Variants in RYR1 observed in about 807,000 individuals in gnomAD.
RYR1 encodes ryanodine receptor 1.
In RYR1, 342 loss-of-function variants were observed where a neutral mutation model predicts 583.5. The ratio of observed to expected loss-of-function variants is 0.59; its 90% confidence interval spans 0.54 to 0.64. The LOEUF is 0.64. Ranked by LOEUF, RYR1 falls within the 30% of genes least tolerant of loss-of-function variation. The pLI is 0.00. For synonymous variants in RYR1, 2,791 were observed against 2,822.5 expected, an observed-to-expected ratio of 0.99 and a Z score of 0.35; for missense variants, 6,032 against 6,917.2, an observed-to-expected ratio of 0.87 and a Z score of 4.54.
chr19:38,549,492 T>C (rs915346076), intron 89 of RYR1, among the ~76,000 whole-genome samples: 3 of 152,098 alleles, frequency 2.0e-5, no homozygotes, highest in Non-Finnish European at 4.4e-5. Context: ...GTACCTGGAA[T>C]ATGGTGAGTC....
In RYR1 at chr19:38,585,967, C is replaced by T. The variant is rs1432807966; in HGVS notation, c.14833C>T (p.Arg4945Ter). ...GATCATCGACGCTTTTGGTGAGCTCCGAGACCAACAAGAGCAAGTGAAGGA... is the reference window on the plus strand; with the variant it reads ...GATCATCGACGCTTTTGGTGAGCTCTGAGACCAACAAGAGCAAGTGAAGGA... Reference protein sequence around the residue: ...GLIIDAFGELRDQQEQVKEDM... With the variant: ...GLIIDAFGEL The change falls in exon 103 of 106, where the codon CGA becomes TGA. Residue 4945 changes from arginine to a stop codon, truncating the protein, a stop_gained. Coordinates refer to ENST00000359596, the MANE Select transcript of RYR1 (RefSeq NM_000540.3). LOFTEE classifies it high-confidence loss of function. 3.1e-6 allele frequency: 5 copies of T among 1,613,772 alleles called. No individual in the cohort carries two copies. Among genetic ancestry groups the T allele is most frequent in the Non-Finnish European group, 3.4e-6 (4 of 1,180,008 alleles).
At chr19:38,563,079 C>T (rs1056371844) in intron 90 of RYR1, among the ~76,000 whole-genome samples, 1 of 152,112 alleles carries the variant, frequency 6.6e-6, no homozygotes, top group Non-Finnish European at 1.5e-5. Context: ...GGAGCTCTGC[C>T]CTCCTCTCTT....
At position 38,485,623 on chromosome 19, in the gene RYR1, G is replaced by A. The variant is rs1224699959; in HGVS notation, c.4968G>A (p.Leu1656=). ...CMDILELSER[L]DLQRFHSHTL... ...ACATCCTGGAGCTGTCGGAGCGCCT[G>A]GACCTGCAGCGCTTCCACTCGCACA... The change falls in exon 34 of 106, where the codon CTG becomes CTA. Residue 1656 remains leucine (L), a synonymous_variant. Coordinates refer to ENST00000359596, the MANE Select transcript of RYR1 (RefSeq NM_000540.3). 2 of 1,609,988 alleles carry A rather than the reference G, an allele frequency of 1.2e-6. No individual in the cohort carries two copies. The highest frequency in any genetic ancestry group is 1.1e-5 in the South Asian group (1 of 91,084).
At chr19:38,526,853 T>C (rs531328784) in intron 71 of RYR1, 140 bp from the exon 72 acceptor site, 183 of 823,828 alleles carry the variant, frequency 2.2e-4, no homozygotes, top group Non-Finnish European at 3.0e-5. Context: ...CTCTGCATCC[T>C]TTTGTTTCTC....
intron 20 of RYR1, among the ~76,000 whole-genome samples, chr19:38,461,740 AG>A (rs1568456290): frequency 2.4e-4 from 32 of 136,156 alleles, no homozygotes; most frequent in African/African-American, 3.5e-4. Flanking sequence ...AAAAAAAAAA[AG>A]AAAGGGAGAG....
At chr19:38,542,692 AT>A (rs1227465161) in intron 84 of RYR1, among the ~76,000 whole-genome samples, 2 of 149,640 alleles carry the variant, frequency 1.3e-5, no homozygotes, top group Non-Finnish European at 3.0e-5. Flanking sequence ...CTAATTTTGT[AT>A]TTTTTTTAGT....
Position 38,458,239 on chromosome 19 carries a change from G to C in RYR1, c.2114G>C (p.Gly705Ala). Residue 705 changes from glycine (G) to alanine (A), a missense_variant, in exon 18 of 106, where the codon GGG becomes GCG. Coordinates refer to ENST00000359596, the MANE Select transcript of RYR1 (RefSeq NM_000540.3). ...PGAGEGWGGNGVGDDLYSYGF... is the reference protein window; with the variant it reads ...PGAGEGWGGNAVGDDLYSYGF... ...GCCGGCGAGGGCTGGGGCGGCAACGGGGTCGGCGATGACCTCTATTCCTAC... is the reference window on the plus strand; with the variant it reads ...GCCGGCGAGGGCTGGGGCGGCAACGCGGTCGGCGATGACCTCTATTCCTAC... The C allele has an allele frequency of 6.2e-7, 1 of 1,614,028 alleles. No homozygotes were observed. The highest frequency in any genetic ancestry group is 8.5e-7 in the Non-Finnish European group (1 of 1,180,008).
intron 38 of RYR1, among the ~76,000 whole-genome samples, chr19:38,493,992 A>T (rs1192126199): frequency 2.0e-5 from 3 of 152,066 alleles, no homozygotes; most frequent in African/African-American, 4.8e-5. Flanking sequence ...GAACAGAGAG[A>T]TTCTTGGGCG....
At chr19:38,475,903 C>CCCT (rs1968699253) in intron 29 of RYR1, among the ~76,000 whole-genome samples, 1 of 152,272 alleles carries the variant, frequency 6.6e-6, no homozygotes. Flanking sequence ...TGCTCCCCAA[C>CCCT]TATTTTGGCA....
chr19:38,448,336 T>C lies in RYR1; in HGVS notation c.801-19T>C. 1 of 1,604,244 alleles carries C rather than the reference T, an allele frequency of 6.2e-7. No individual in the cohort carries two copies. The highest frequency in any genetic ancestry group is 8.5e-7 in the Non-Finnish European group (1 of 1,178,584). On this transcript the variant is annotated intron_variant, in intron 9 of 105. Coordinates refer to ENST00000359596, the MANE Select transcript of RYR1 (RefSeq NM_000540.3). ...AACTGGGGGGTCCTCTGACTCCCCT[T>C]GGCTCTCACCCTCCACAGCTGGAGT...
At chr19:38,529,668 C>T (rs1230839954) in intron 76 of RYR1, among the ~76,000 whole-genome samples, 1 of 152,108 alleles carries the variant, frequency 6.6e-6, no homozygotes, top group Non-Finnish European at 1.5e-5. Context: ...TGAAAAAAAT[C>T]CATATGTATG....
intron 79 of RYR1, 142 bp from the exon 80 acceptor site, chr19:38,534,999 A>T: frequency 9.7e-7 from 1 of 1,030,042 alleles, no homozygotes; most frequent in Non-Finnish European, 1.5e-6. Context: ...CTCATCCTTC[A>T]ATCACGATCA....
chr19:38,495,334 A>C (rs920982198), intron 39 of RYR1, among the ~76,000 whole-genome samples: 4 of 152,076 alleles, frequency 2.6e-5, no homozygotes, highest in African/African-American at 9.7e-5. Flanking sequence ...TTAAGCACCT[A>C]CTTCGTGCCA....
intron 1 of RYR1, among the ~76,000 whole-genome samples, chr19:38,438,195 C>A (rs112549576): frequency 9.2e-5 from 14 of 151,912 alleles, no homozygotes; most frequent in African/African-American, 2.9e-4. Flanking sequence ...AGGCTCAACT[C>A]AAATGTCACC....
chr19:38,524,608 C>T (rs1356735595), intron 70 of RYR1, among the ~76,000 whole-genome samples: 6 of 152,230 alleles, frequency 3.9e-5, no homozygotes, highest in South Asian at 2.1e-4. Context: ...GCCCTGGCCC[C>T]GGGTCTGCAC....
intron 31 of RYR1, among the ~76,000 whole-genome samples, chr19:38,480,634 T>C (rs66707127): frequency 0.058 from 8,825 of 152,252 alleles, 571 homozygotes; most frequent in African/African-American, 0.16. Flanking sequence ...TATCATCAAA[T>C]ATCCAGTTTG....
rs769265406 is a variant in RYR1 at position 38,460,418 on chromosome 19, C to G, written c.2404C>G (p.Leu802Val). Residue 802 changes from leucine (L) to valine (V), a missense_variant, in exon 20 of 106, where the codon CTG becomes GTG. Transcript: ENST00000359596. ...TGGCCGCCATGGTGAATTCAAGTTC[C>G]TGCCCCCACCTGGCTATGCTCCATG... is the stretch of plus-strand genomic sequence containing the variant. ...LGGRHGEFKF[L>V]PPPGYAPCHE... The G allele has an allele frequency of 6.2e-7, 1 of 1,614,218 alleles. No homozygotes were observed. The highest frequency in any genetic ancestry group is 8.5e-7 in the Non-Finnish European group (1 of 1,180,038).
intron 27 of RYR1, among the ~76,000 whole-genome samples, chr19:38,470,064 G>C (rs1968337849): frequency 6.6e-6 from 1 of 151,874 alleles, no homozygotes; most frequent in African/African-American, 2.4e-5. Context: ...TACTTAGGGG[G>C]CTGAGGCAGG....
intron 87 of RYR1, among the ~76,000 whole-genome samples, chr19:38,546,046 C>G (rs2145782817): frequency 6.6e-6 from 1 of 152,278 alleles, no homozygotes; most frequent in Non-Finnish European, 1.5e-5. Context: ...ACATTATATT[C>G]AACATACATC....
Sources: gnomAD v4.1 joint callset for allele counts (sites outside exome capture counted in the v4.1 genomes callset) on GRCh38, gnomAD v4.1.1 for gene constraint, MANE v1.5 for transcripts, NCBI Gene and HGNC (gene_info 2026-07-23, HGNC 2026-07-21) for gene names.